Variants in NEK11 observed in about 807,000 individuals in gnomAD.
NEK11 encodes the protein NIMA related kinase 11, also known as serine/threonine-protein kinase Nek11.
NEK11 carries 72 observed loss-of-function variants against 80.7 expected under a neutral mutation model. That is an observed-to-expected ratio of 0.89 (90% CI 0.74 to 1.08). NEK11 has a LOEUF of 1.08. Among genes scored for constraint, NEK11 ranks in the 50% least tolerant of loss-of-function variants. The probability of loss-of-function intolerance (pLI) is 0.00; values close to 1 mark genes in which losing one functional copy is unlikely to be tolerated. For synonymous variants in NEK11, 251 were observed against 260.7 expected (o/e 0.96, Z 0.36); for missense variants, 764 against 763.6 (o/e 1.00, Z -0.01).
rs576109763 is a variant in NEK11, at chr3:131,280,762, A to C, written c.1718+7188A>C. Among the ~76,000 whole-genome samples, 111 of 152,308 alleles carry C rather than the reference A, an allele frequency of 7.3e-4. 1 individual carries two copies. Among genetic ancestry groups the C allele is most frequent in the Middle Eastern group, 6.8e-3 (2 of 294 alleles). ...TGTTGGATAATTCTGTATTCCAATA[A>C]ATAGCCGGGATCTTTGTTTTAGTTG... On this transcript the variant is annotated intron_variant, in intron 17 of 17. Transcript: ENST00000383366.
chr3:131,229,107 A>G (rs1256052650), intron 15 of NEK11, among the ~76,000 whole-genome samples: 1 of 152,196 alleles, frequency 6.6e-6, no homozygotes, highest in Non-Finnish European at 1.5e-5. Context: ...TAAAATTTGT[A>G]AAGACTGACT....
At chr3:131,255,050 GAGACAGAC>G (rs59934459) in intron 16 of NEK11, among the ~76,000 whole-genome samples, 14 of 132,736 alleles carry the variant, frequency 1.1e-4, no homozygotes, top group South Asian at 2.6e-4. Context: ...GAGAGAGAGA[GAGACAGAC>G]AGACAGACAG....
intron 3 of NEK11, among the ~76,000 whole-genome samples, chr3:131,077,488 T>C (rs1427330169): frequency 6.6e-6 from 1 of 152,218 alleles, no homozygotes; most frequent in Non-Finnish European, 1.5e-5. Flanking sequence ...TGCTTTATCA[T>C]CAAGGTGCCA....
chr3:131,312,324 C>T (rs549526728), intron 17 of NEK11, among the ~76,000 whole-genome samples: 9 of 152,194 alleles, frequency 5.9e-5, no homozygotes, highest in Admixed American at 2.0e-4. Flanking sequence ...TTAGATAACA[C>T]GTTAAGTGAT....
At chr3:131,235,352 A>G (rs2095413148) in intron 15 of NEK11, among the ~76,000 whole-genome samples, 1 of 152,162 alleles carries the variant, frequency 6.6e-6, no homozygotes, top group South Asian at 2.1e-4. Flanking sequence ...CCCTGACCAT[A>G]TGGTGCACAG....
At chr3:131,300,766 G>A (rs921972034) in intron 17 of NEK11, among the ~76,000 whole-genome samples, 1 of 152,174 alleles carries the variant, frequency 6.6e-6, no homozygotes, top group Admixed American at 6.6e-5. Flanking sequence ...AGTACATACT[G>A]TTTTAGTTAT....
chr3:131,277,839 T>C (rs12497896), intron 17 of NEK11, among the ~76,000 whole-genome samples: 8,006 of 152,292 alleles, frequency 0.053, 427 homozygotes, highest in East Asian at 0.3. Flanking sequence ...GGACTAATAA[T>C]GATTTTTGCC....
chr3:131,283,866 G>C (rs535347322), intron 17 of NEK11, among the ~76,000 whole-genome samples: 1 of 152,280 alleles, frequency 6.6e-6, no homozygotes, highest in East Asian at 1.9e-4. Context: ...CTTACCCAAA[G>C]AGTAGTGGTT....
intron 17 of NEK11, among the ~76,000 whole-genome samples, chr3:131,341,787 A>G (rs892372070): frequency 2.0e-5 from 3 of 152,096 alleles, no homozygotes; most frequent in South Asian, 2.1e-4. Flanking sequence ...ATGTATTTTT[A>G]TCATATTAAT....
rs187523055 is a variant in NEK11 at position 131,109,962 on chromosome 3, A to G, written c.455+41A>G. ...ACTGGGGGAGCATGATATATTTTTA[A>G]CAGTCATGTTTGAACTTGAAAAGTG... On this transcript the variant is annotated intron_variant, in intron 5 of 17. Coordinates refer to ENST00000383366, the MANE Select transcript of NEK11 (RefSeq NM_024800.5). 1.4e-5 allele frequency: 21 copies of G among 1,554,316 alleles called. No individual in the cohort carries two copies. In the Admixed American group the frequency reaches 4.7e-4, roughly 35 times the overall value.
intron 17 of NEK11, among the ~76,000 whole-genome samples, chr3:131,277,771 G>T (rs929100544): frequency 3.3e-5 from 5 of 152,190 alleles, no homozygotes; most frequent in Non-Finnish European, 5.9e-5. Context: ...TGACTAATAT[G>T]TGTCCTTGGA....
intron 4 of NEK11, among the ~76,000 whole-genome samples, chr3:131,100,205 A>G (rs2078156426): frequency 6.6e-6 from 1 of 152,194 alleles, no homozygotes; most frequent in African/African-American, 2.4e-5. Flanking sequence ...GCATTTATTA[A>G]GATGATCATA....
At chr3:131,288,700 C>T (rs184482881) in intron 17 of NEK11, among the ~76,000 whole-genome samples, 137 of 152,158 alleles carry the variant, frequency 9.0e-4, no homozygotes, top group African/African-American at 3.2e-3. Context: ...GATCCACCCG[C>T]CTTGGCCTCC....
intron 5 of NEK11, among the ~76,000 whole-genome samples, chr3:131,127,380 T>C (rs1359753170): frequency 6.6e-6 from 1 of 152,072 alleles, no homozygotes; most frequent in African/African-American, 2.4e-5. Context: ...ATTTCAAACA[T>C]ATGCACTAAA....
At chr3:131,116,626 C>T (rs1187835290) in intron 5 of NEK11, among the ~76,000 whole-genome samples, 1 of 152,204 alleles carries the variant, frequency 6.6e-6, no homozygotes, top group Non-Finnish European at 1.5e-5. Context: ...TCCACATCCT[C>T]TCCAGCACCT....
At chr3:131,168,044 G>C (rs2092384946) in intron 12 of NEK11, among the ~76,000 whole-genome samples, 1 of 152,234 alleles carries the variant, frequency 6.6e-6, no homozygotes, top group South Asian at 2.1e-4. Flanking sequence ...CCTCTTGCCA[G>C]CTGGTTCAGG....
chr3:131,156,125 T>C (rs946728777), intron 10 of NEK11, among the ~76,000 whole-genome samples: 1 of 152,190 alleles, frequency 6.6e-6, no homozygotes, highest in Non-Finnish European at 1.5e-5. Flanking sequence ...ATTAACAGTG[T>C]TCTAGAATCC....
chr3:131,235,108 T>C (rs2095408739), intron 15 of NEK11, among the ~76,000 whole-genome samples: 2 of 152,166 alleles, frequency 1.3e-5, no homozygotes, highest in Admixed American at 1.3e-4. Flanking sequence ...TCTCCCTTGT[T>C]GGTGGCTGAT....
chr3:131,253,728 A>C (rs2095752913), intron 16 of NEK11, among the ~76,000 whole-genome samples: 1 of 152,192 alleles, frequency 6.6e-6, no homozygotes, highest in Admixed American at 6.5e-5. Flanking sequence ...TTGGGTGTGT[A>C]CTGGGGTATA....
Sources: gnomAD v4.1 joint callset for allele counts (sites outside exome capture counted in the v4.1 genomes callset) on GRCh38, gnomAD v4.1.1 for gene constraint, MANE v1.5 for transcripts, NCBI Gene and HGNC (gene_info 2026-07-23, HGNC 2026-07-21) for gene names.